LARGE1: variants seen among roughly 807,000 people sequenced by gnomAD.
LARGE1 encodes xylosyl- and glucuronyltransferase LARGE1.
LARGE1 carries 43 observed loss-of-function variants against 87.6 expected under a neutral mutation model. The observed-to-expected ratio is 0.49, with a 90% CI of 0.38 to 0.63. The LOEUF is 0.63. Among genes scored for constraint, LARGE1 ranks in the 30% least tolerant of loss-of-function variants. The pLI is 0.00. For synonymous variants in LARGE1, 434 were observed against 394.6 expected (o/e 1.10, Z -1.18); for missense variants, 802 against 1,000.2 (o/e 0.80, Z 2.67).
chr22:33,641,443 T>A (rs1410238260), intron 3 of LARGE1, among the ~76,000 whole-genome samples: 1 of 151,896 alleles, frequency 6.6e-6, no homozygotes, highest in Non-Finnish European at 1.5e-5. Context: ...GCAAAAATGC[T>A]GAAAATAACA....
At chr22:33,286,958 T>C (rs1029500051) in intron 12 of LARGE1, among the ~76,000 whole-genome samples, 45 of 152,148 alleles carry the variant, frequency 3.0e-4, no homozygotes, top group Non-Finnish European at 5.7e-4. Context: ...GGGCAGGTTG[T>C]TTAGGATTAG....
chr22:33,120,703 G>A, the LARGE1 span, among the ~76,000 whole-genome samples: 1 of 151,886 alleles, frequency 6.6e-6, no homozygotes. Flanking sequence ...TTTTAGTAGA[G>A]ACAGGGTTTC....
chr22:33,337,044 G>A (rs1185861131), intron 10 of LARGE1, among the ~76,000 whole-genome samples: 1 of 146,110 alleles, frequency 6.8e-6, no homozygotes, highest in Non-Finnish European at 1.5e-5. Context: ...CTGGGTGACA[G>A]AGTGAAACTC....
intron 11 of LARGE1, among the ~76,000 whole-genome samples, chr22:33,198,674 C>T (rs9607022): frequency 0.53 from 73,481 of 137,886 alleles, 18,848 homozygotes; most frequent in Non-Finnish European, 0.6. Flanking sequence ...CACACACACA[C>T]ACGTATCTAA....
intron 6 of LARGE1, among the ~76,000 whole-genome samples, chr22:33,547,337 C>T (rs745786283): frequency 9.2e-5 from 13 of 141,266 alleles, no homozygotes; most frequent in Admixed American, 1.5e-4. Context: ...CCCTCGCATG[C>T]GCAGTTCACA....
chr22:33,317,667 T>G (rs1936301809), intron 10 of LARGE1, among the ~76,000 whole-genome samples: 2 of 152,206 alleles, frequency 1.3e-5, no homozygotes, highest in Non-Finnish European at 2.9e-5. Context: ...TGTGCAAATC[T>G]GCAGCTGCCC....
intron 6 of LARGE1, among the ~76,000 whole-genome samples, chr22:33,457,755 C>T (rs1569181192): frequency 2.0e-5 from 3 of 152,030 alleles, no homozygotes; most frequent in Admixed American, 6.6e-5. Flanking sequence ...TGTGTTGGGT[C>T]TTAAAGAATA....
intron 1 of LARGE1, among the ~76,000 whole-genome samples, chr22:33,829,496 T>C (rs1174073552): frequency 6.6e-6 from 1 of 152,220 alleles, no homozygotes; most frequent in Non-Finnish European, 1.5e-5. Flanking sequence ...CGCTCATTCC[T>C]GTATCCCCGG....
At chr22:33,199,195 G>A (rs754441459) in intron 11 of LARGE1, among the ~76,000 whole-genome samples, 1 of 108,728 alleles carries the variant, frequency 9.2e-6, no homozygotes. Context: ...TTTTAATAGC[G>A]CTGTTTGAGG....
chr22:33,762,785 C>T (rs743704), intron 1 of LARGE1, among the ~76,000 whole-genome samples: 27,817 of 152,140 alleles, frequency 0.18, 3,094 homozygotes, highest in Admixed American at 0.32. Flanking sequence ...ATGAAACCTA[C>T]AAAGGAGTTA....
At chr22:33,072,917 C>T in the LARGE1 span, among the ~76,000 whole-genome samples, 1 of 152,190 alleles carries the variant, frequency 6.6e-6, no homozygotes. Context: ...CAGGGCTGGC[C>T]TTCATTCCAG....
At chr22:33,138,699 C>T in the LARGE1 span, among the ~76,000 whole-genome samples, 4 of 152,282 alleles carry the variant, frequency 2.6e-5, no homozygotes, top group Non-Finnish European at 4.4e-5. Context: ...CCACCTCGGC[C>T]TCCGAAACTG....
At chr22:33,199,118 T>C (rs142369688) in intron 11 of LARGE1, among the ~76,000 whole-genome samples, 1 of 152,204 alleles carries the variant, frequency 6.6e-6, no homozygotes, top group East Asian at 1.9e-4. Context: ...TGAGCATTTT[T>C]TAATATATTT....
chr22:33,076,200 GGATAA>G, the LARGE1 span, among the ~76,000 whole-genome samples: 1 of 152,184 alleles, frequency 6.6e-6, no homozygotes. Context: ...CTAACTGATT[GGATAA>G]GATATTTCTC....
At chr22:33,406,936 G>A (rs2066123299) in intron 7 of LARGE1, among the ~76,000 whole-genome samples, 1 of 152,060 alleles carries the variant, frequency 6.6e-6, no homozygotes, top group African/African-American at 2.4e-5. Context: ...GGGATTACAG[G>A]CACCCGCCAC....
intron 2 of LARGE1, among the ~76,000 whole-genome samples, chr22:33,731,170 A>AT (rs1243684023): frequency 8.6e-5 from 13 of 151,290 alleles, no homozygotes; most frequent in African/African-American, 2.7e-4. Flanking sequence ...TGCCTGGCTA[A>AT]TTTTTTGTAT....
chr22:33,826,344 C>T (rs1601710316), intron 1 of LARGE1, among the ~76,000 whole-genome samples: 2 of 137,872 alleles, frequency 1.5e-5, no homozygotes, highest in Non-Finnish European at 1.5e-5. Flanking sequence ...CTTTGCATAC[C>T]TTTTTTTTTT....
chr22:33,520,503 T>C lies in LARGE1; in HGVS notation c.787+44345A>G, dbSNP rs1305905111. Among the ~76,000 whole-genome samples the C allele has an allele frequency of 3.9e-5, 6 of 152,314 alleles. No individual in the cohort carries two copies. In the South Asian group the frequency reaches 1.0e-3, roughly 26 times the overall value. ...GCACGGGAGGGGACTCTGAACTCTC[T>C]GCAGAACACAGCAGTGCTGAGCTGG... On this transcript the variant is annotated intron_variant, in intron 6 of 14. Transcript: ENST00000397394.
chr22:33,607,461 C>CAAAAAAAAAAAAAAAAAAAAAAA (rs1217376084), intron 4 of LARGE1, among the ~76,000 whole-genome samples: 1 of 58,034 alleles, frequency 1.7e-5, no homozygotes, highest in Non-Finnish European at 3.2e-5. Context: ...AACTGCATCT[C>CAAAAAAAAAAAAAAAAAAAAAAA]AAAAAAAAAA....
Sources: allele counts gnomAD v4.1 joint callset (sites outside exome capture counted in the v4.1 genomes callset), GRCh38; gene constraint gnomAD v4.1.1; transcripts MANE v1.5; gene names NCBI Gene and HGNC (gene_info 2026-07-23, HGNC 2026-07-21).